The following COL5A1 variants were observed in gnomAD, a reference collection of about 807,000 sequenced individuals.
COL5A1 encodes the protein collagen type V alpha 1 chain.
In COL5A1, 16 loss-of-function variants were observed where a neutral mutation model predicts 263.7. That is an observed-to-expected ratio of 0.06 (90% CI 0.04 to 0.09). COL5A1 has a LOEUF of 0.09. Ranked by LOEUF, COL5A1 falls within the 10% of genes least tolerant of loss-of-function variation. The pLI, the probability that COL5A1 is intolerant of heterozygous loss-of-function variation, is 1.00. For synonymous variants in COL5A1, 1,012 were observed against 1,004.5 expected, an observed-to-expected ratio of 1.01 and a Z score of -0.14; for missense variants, 2,036 against 2,540.5, an observed-to-expected ratio of 0.80 and a Z score of 4.27.
At chr9:134,663,108 G>A (rs967280975) in intron 1 of COL5A1, among the ~76,000 whole-genome samples, 31 of 152,240 alleles carry the variant, frequency 2.0e-4, no homozygotes, top group Non-Finnish European at 3.5e-4. Context: ...GAAGTTCGAC[G>A]TTTCCTGAAC....
At chr9:134,795,160 G>GA (rs1422537011) in intron 33 of COL5A1, 34 bp downstream of exon 33, 3 of 1,614,050 alleles carry the variant, frequency 1.9e-6, no homozygotes, top group Non-Finnish European at 2.5e-6. Flanking sequence ...GCATGTTTGG[G>GA]AAACGGGAGC....
At chr9:134,796,243 G>A in intron 34 of COL5A1, 131 bp from the exon 35 acceptor site, 2 of 988,162 alleles carry the variant, frequency 2.0e-6, no homozygotes, top group South Asian at 1.3e-5. Flanking sequence ...CCTTACTGAG[G>A]GTCAGGGCCA....
intron 7 of COL5A1, among the ~76,000 whole-genome samples, chr9:134,730,916 C>CG: frequency 6.6e-6 from 1 of 152,110 alleles, no homozygotes; most frequent in Non-Finnish European, 1.5e-5. Context: ...CTGGCTGGGA[C>CG]GGGGGCTGAC....
chr9:134,824,946 C>G, intron 62 of COL5A1, 91 bp downstream of exon 62: 1 of 1,493,224 alleles, frequency 6.7e-7, no homozygotes, highest in Non-Finnish European at 8.9e-7. Flanking sequence ...CAGCCAGGCA[C>G]AGCGGAAGGG....
chr9:134,772,773 T>G lies in COL5A1; in HGVS notation c.2287-17T>G, dbSNP rs1398766088. The stretch of plus-strand genomic sequence containing the variant: ...TGGAGTGGCACTGACTAATCAATGC[T>G]TCTTCTTTTGTGACAGGGACACCCT... On this transcript the variant is annotated splice_polypyrimidine_tract_variant and intron_variant, in intron 25 of 65. Coordinates refer to ENST00000371817, the MANE Select transcript of COL5A1 (RefSeq NM_000093.5). 1 of 1,614,018 alleles carries G rather than the reference T, an allele frequency of 6.2e-7. No homozygotes were observed. Among genetic ancestry groups the G allele is most frequent in the Non-Finnish European group, 8.5e-7 (1 of 1,179,954 alleles).
rs529371700 is a variant in COL5A1 at position 134,803,751 on chromosome 9, C to G, written c.3114+756C>G. Among the ~76,000 whole-genome samples the G allele has an allele frequency of 2.8e-4, 42 of 151,772 alleles. No individual in the cohort carries two copies. The East Asian group carries it at 8.1e-3, about 29-fold the overall frequency. ...CCAGCTACTCGGGAGGCTGAGGCAG[C>G]AGAATGGTGTGAACTCGGGGGGCGG... On this transcript the variant is annotated intron_variant, in intron 39 of 65. Coordinates refer to ENST00000371817, the MANE Select transcript of COL5A1 (RefSeq NM_000093.5).
At chr9:134,721,210 A>G (rs1834439950) in intron 4 of COL5A1, among the ~76,000 whole-genome samples, 1 of 135,660 alleles carries the variant, frequency 7.4e-6, no homozygotes, top group Admixed American at 7.3e-5. Flanking sequence ...ACCCCCCATG[A>G]TAACCCTCTA....
At chr9:134,791,042 C>T (rs542710859) in intron 32 of COL5A1, among the ~76,000 whole-genome samples, 1 of 152,320 alleles carries the variant, frequency 6.6e-6, no homozygotes, top group African/African-American at 2.4e-5. Context: ...CTCAGCCTCC[C>T]CACCGGCGAG....
In COL5A1 at chr9:134,742,357, A is replaced by G. The variant is rs1243748752; in HGVS notation, c.1494+3549A>G. Among the ~76,000 whole-genome samples the G allele has an allele frequency of 6.6e-6, 1 of 152,156 alleles. No homozygotes were observed. Among genetic ancestry groups the G allele is most frequent in the Non-Finnish European group, 1.5e-5 (1 of 68,028 alleles). ...AGGCACGGTTAGACAGCAAGAATTA[A>G]TTAGTAAAGGCATTGGAGGAAGAGC... On this transcript the variant is annotated intron_variant, in intron 11 of 65. Transcript: ENST00000371817. This position sits in a 1 kb window ranked among gnomAD's most constrained non-coding sequence, Gnocchi z 4.6.
chr9:134,809,138 C>T (rs1838414278), intron 42 of COL5A1, 45 bp from the exon 43 acceptor site: 4 of 1,492,820 alleles, frequency 2.7e-6, no homozygotes, highest in Non-Finnish European at 3.7e-6. Context: ...GGGGATGTTC[C>T]CAGGTTGGAG....
At chr9:134,779,663 G>A (rs958151993) in intron 27 of COL5A1, among the ~76,000 whole-genome samples, 26 of 152,310 alleles carry the variant, frequency 1.7e-4, no homozygotes, top group Admixed American at 1.4e-3. Flanking sequence ...CAGGAGTCTG[G>A]GGCATTGTCA....
chr9:134,653,090 C>G (rs1588403817), intron 1 of COL5A1: 1 of 178,190 alleles, frequency 5.6e-6, no homozygotes, highest in Non-Finnish European at 1.2e-5. Context: ...TGTGGCTGTT[C>G]CTCCACCCAT....
rs1564415878 is a variant in COL5A1, at chr9:134,729,501, T to TGTGTGTGTGTGAGAGTGTGTGTGA, written c.924+695_924+696insTGTGTGTGTGAGAGTGTGTGTGAG. On this transcript the variant is annotated intron_variant, in intron 6 of 65. Transcript: ENST00000371817. ...ATGCAGGCACGGGTGTGCTTGAGCCTGCGTGTGTGTGAGAGTGTGTGTGAG... is the reference window on the plus strand; with the variant it reads ...ATGCAGGCACGGGTGTGCTTGAGCCTGTGTGTGTGTGAGAGTGTGTGTGAGCGTGTGTGTGAGAGTGTGTGTGAG... Among the ~76,000 whole-genome samples, 17 of 143,422 alleles carry TGTGTGTGTGTGAGAGTGTGTGTGA rather than the reference T, an allele frequency of 1.2e-4. No individual in the cohort carries two copies. In the East Asian group the frequency reaches 1.7e-3, roughly 14 times the overall value. The allele number at this position is 143,422 out of a possible 152,430, so 94.1% of individuals were successfully genotyped here. A position where few individuals can be genotyped will look rare whatever the true frequency, so the allele number is the denominator to read the frequency against.
At chr9:134,667,573 C>G (rs1832398422) in intron 1 of COL5A1, among the ~76,000 whole-genome samples, 1 of 152,250 alleles carries the variant, frequency 6.6e-6, no homozygotes, top group Admixed American at 6.5e-5. Flanking sequence ...TAGGGCCTCA[C>G]CTTGGTGTCC....
Position 134,810,239 on chromosome 9 carries a change from C to G in COL5A1, c.3475-16C>G, listed in dbSNP as rs1405258792. 2.5e-6 allele frequency: 4 copies of G among 1,614,018 alleles called. No homozygotes were observed. Among genetic ancestry groups the G allele is most frequent in the South Asian group, 1.1e-5 (1 of 91,088 alleles). ...TTGTCAAGCTTTCTAACCGAATCCC[C>G]CACACCTTCCCCTAGGGAGAGATCG... On this transcript the variant is annotated splice_polypyrimidine_tract_variant and intron_variant, in intron 43 of 65. Transcript: ENST00000371817.
chr9:134,747,724 GAC>G (rs964653371), intron 11 of COL5A1, among the ~76,000 whole-genome samples: 5 of 122,752 alleles, frequency 4.1e-5, no homozygotes, highest in Admixed American at 8.3e-5. Context: ...CACACATGCA[GAC>G]ACATGCACAC....
chr9:134,775,984 C>T (rs900848671), intron 27 of COL5A1, among the ~76,000 whole-genome samples: 5 of 152,202 alleles, frequency 3.3e-5, no homozygotes, highest in South Asian at 4.1e-4. Context: ...GAGCCCAAGA[C>T]ATCAGTTTTC....
chr9:134,817,952 G>C, intron 54 of COL5A1, 121 bp downstream of exon 54: 1 of 1,016,934 alleles, frequency 9.8e-7, no homozygotes, highest in South Asian at 1.4e-5. Flanking sequence ...GCTGCCCCAG[G>C]GGCACCTGGC....
At chr9:134,823,653 C>A (rs970883455) in intron 61 of COL5A1, among the ~76,000 whole-genome samples, 184 bp downstream of exon 61, 2 of 152,230 alleles carry the variant, frequency 1.3e-5, no homozygotes, top group African/African-American at 4.8e-5. Flanking sequence ...AGGAAGCTTA[C>A]AGGCCAATTG....
Sources: allele counts gnomAD v4.1 joint callset (sites outside exome capture counted in the v4.1 genomes callset), GRCh38; gene constraint gnomAD v4.1.1; non-coding constraint Gnocchi (gnomAD v3.1); transcripts MANE v1.5; gene names NCBI Gene and HGNC (gene_info 2026-07-23, HGNC 2026-07-21).